The following VGLL4 variants were observed in gnomAD, a reference collection of about 807,000 sequenced individuals.
VGLL4 encodes vestigial like family member 4, also known as transcription cofactor vestigial-like protein 4.
VGLL4 carries 7 observed loss-of-function variants against 21.0 expected under a neutral mutation model. The ratio of observed to expected loss-of-function variants is 0.33; its 90% CI spans 0.19 to 0.63. The LOEUF (loss-of-function observed/expected upper bound fraction) is 0.63, where lower values mean the gene tolerates loss of function less well. Ranked by LOEUF, VGLL4 falls within the 20% of genes least tolerant of loss-of-function variation. The probability of loss-of-function intolerance (pLI) is 0.78; values close to 1 mark genes in which losing one functional copy is unlikely to be tolerated. For missense variants in VGLL4, 394 were observed against 425.7 expected (o/e 0.93, Z 0.66); for synonymous variants, 222 against 173.2 (o/e 1.28, Z -2.21).
intron 1 of VGLL4, among the ~76,000 whole-genome samples, chr3:11,704,496 A>G (rs866150859): frequency 6.6e-6 from 1 of 152,094 alleles, no homozygotes; most frequent in South Asian, 2.1e-4. Flanking sequence ...AAGGAGCTCC[A>G]GGCGGGAAAA....
chr3:11,676,247 T>C (rs988854894), intron 2 of VGLL4, among the ~76,000 whole-genome samples: 2 of 151,216 alleles, frequency 1.3e-5, no homozygotes, highest in African/African-American at 4.9e-5. Flanking sequence ...ATTAGCCGGG[T>C]GTGGTGGTGG....
At chr3:11,688,270 G>C (rs2076479256) in intron 2 of VGLL4, among the ~76,000 whole-genome samples, 1 of 151,956 alleles carries the variant, frequency 6.6e-6, no homozygotes, top group African/African-American at 2.4e-5. Context: ...TTTGGCTTTA[G>C]TATCATGTTA....
At chr3:11,626,258 C>G in intron 1 of VGLL4, 3 of 423,934 alleles carry the variant, frequency 7.1e-6, no homozygotes, top group Non-Finnish European at 4.7e-6. Flanking sequence ...GAATCAAATA[C>G]GGAAAGGAAA....
intron 2 of VGLL4, among the ~76,000 whole-genome samples, chr3:11,652,570 G>C (rs751765400): frequency 2.6e-5 from 4 of 152,134 alleles, no homozygotes; most frequent in African/African-American, 4.8e-5. Flanking sequence ...ACAGGCACGT[G>C]CCACCACGCC....
intron 2 of VGLL4, among the ~76,000 whole-genome samples, chr3:11,651,144 A>G (rs2125342096): frequency 6.6e-6 from 1 of 152,222 alleles, no homozygotes; most frequent in East Asian, 1.9e-4. Flanking sequence ...GGAGTTCGGG[A>G]CCAGCCTGAC....
chr3:11,676,180 T>G (rs1467475721), intron 2 of VGLL4, among the ~76,000 whole-genome samples: 5 of 151,672 alleles, frequency 3.3e-5, no homozygotes, highest in Non-Finnish European at 5.9e-5. Flanking sequence ...GAGGTCAGGA[T>G]ATCGAGACCA....
At chr3:11,583,779 C>G (rs1458747993) in intron 2 of VGLL4, among the ~76,000 whole-genome samples, 3 of 152,200 alleles carry the variant, frequency 2.0e-5, no homozygotes, top group Non-Finnish European at 4.4e-5. Context: ...ATCACCATGG[C>G]AGAAACCTTC....
intron 1 of VGLL4, among the ~76,000 whole-genome samples, chr3:11,707,916 C>A (rs1465005796): frequency 1.3e-5 from 2 of 152,098 alleles, no homozygotes; most frequent in Non-Finnish European, 2.9e-5. Context: ...CTATCCACAG[C>A]ACTAAATAAA....
At chr3:11,681,615 A>T (rs1478140783) in intron 2 of VGLL4, among the ~76,000 whole-genome samples, 3 of 152,204 alleles carry the variant, frequency 2.0e-5, no homozygotes, top group Non-Finnish European at 2.9e-5. Context: ...AACTATTAGG[A>T]TGAAAAAAAT....
chr3:11,704,855 A>T (rs1406943601), intron 1 of VGLL4, among the ~76,000 whole-genome samples: 2 of 152,218 alleles, frequency 1.3e-5, no homozygotes, highest in Admixed American at 1.3e-4. Context: ...AAGCGTCAAA[A>T]CAGTGCTAGA....
chr3:11,602,043 T>C (rs775923233), intron 1 of VGLL4, 21 bp from the exon 2 acceptor site: 3 of 1,514,566 alleles, frequency 2.0e-6, no homozygotes, highest in South Asian at 2.6e-5. Context: ...AGAGATGATG[T>C]AGTCACTAAG....
At chr3:11,587,981 A>G (rs543750053) in intron 2 of VGLL4, among the ~76,000 whole-genome samples, 1 of 152,364 alleles carries the variant, frequency 6.6e-6, no homozygotes, top group Non-Finnish European at 1.5e-5. Context: ...TCAAGAGCTT[A>G]GCAGGGAAAG....
intron 2 of VGLL4, among the ~76,000 whole-genome samples, chr3:11,650,082 G>A (rs2075848214): frequency 6.6e-6 from 1 of 152,018 alleles, no homozygotes; most frequent in African/African-American, 2.4e-5. Flanking sequence ...GCATGCCACC[G>A]TGTCTGGCTA....
At chr3:11,680,798 A>C (rs7613415) in intron 2 of VGLL4, among the ~76,000 whole-genome samples, 80,826 of 152,136 alleles carry the variant, frequency 0.53, 22,507 homozygotes, top group Non-Finnish European at 0.63. Context: ...CTGTGAGACC[A>C]CAGGCAAGCT....
chr3:11,597,068 G>A (rs1559888622), intron 2 of VGLL4, among the ~76,000 whole-genome samples: 1 of 152,126 alleles, frequency 6.6e-6, no homozygotes, highest in Non-Finnish European at 1.5e-5. Flanking sequence ...GTTATGACAA[G>A]GACATAGGAC....
At chr3:11,641,073 C>G (rs935125825) in intron 1 of VGLL4, among the ~76,000 whole-genome samples, 1 of 145,654 alleles carries the variant, frequency 6.9e-6, no homozygotes, top group Non-Finnish European at 1.5e-5. Flanking sequence ...GCCAAGATCG[C>G]GCCATTGCAC....
chr3:11,682,236 T>C lies in VGLL4; in HGVS notation c.64+20735A>G, dbSNP rs1001790851. Among the ~76,000 whole-genome samples, 42 of 152,060 alleles carry C rather than the reference T, an allele frequency of 2.8e-4. 1 individual carries two copies. Among genetic ancestry groups the C allele is most frequent in the African/African-American group, 1.0e-3 (42 of 41,472 alleles). On this transcript the variant is annotated intron_variant, in intron 2 of 5. Transcript: ENST00000273038. Reference sequence around the variant, plus strand: ...CTGGCCAACATGGTGAAACCCCATCTCTACTACAAATACAAAAAATTATCT... The same window carrying C: ...CTGGCCAACATGGTGAAACCCCATCCCTACTACAAATACAAAAAATTATCT...
rs1276716491 is a variant in VGLL4, at chr3:11,556,854, G to C, written c.*1702C>G. 1 of 152,764 alleles carries C rather than the reference G, an allele frequency of 6.5e-6. No individual in the cohort carries two copies. The highest frequency in any genetic ancestry group is 1.9e-4 in the East Asian group (1 of 5,332). The allele number at this position is 152,764 out of a possible 1,614,324, so 9.5% of individuals were successfully genotyped here. On this transcript the variant is annotated 3_prime_UTR_variant, in exon 5 of 5. Coordinates refer to ENST00000430365, the MANE Select transcript of VGLL4 (RefSeq NM_001128219.3). ...CCAAAGCTTGGAAGCCCAGTACAGT[G>C]GGAGTGAAATGTGTGCGGGGCAAGG...
At chr3:11,614,817 G>C (rs953121904) in intron 1 of VGLL4, among the ~76,000 whole-genome samples, 1 of 152,192 alleles carries the variant, frequency 6.6e-6, no homozygotes, top group African/African-American at 2.4e-5. Context: ...CAAGTAAAGC[G>C]AGTAACTTAA....
Sources: gnomAD v4.1 joint callset for allele counts (sites outside exome capture counted in the v4.1 genomes callset) on GRCh38, gnomAD v4.1.1 for gene constraint, MANE v1.5 for transcripts, NCBI Gene and HGNC (gene_info 2026-07-23, HGNC 2026-07-21) for gene names.